Variants in CSMD1 observed in about 807,000 individuals in gnomAD.
CSMD1 encodes CUB and sushi domain-containing protein 1.
Under a neutral mutation model 417.5 loss-of-function variants are expected in CSMD1, and 213 were observed. That is an observed-to-expected ratio of 0.51 (90% CI 0.46 to 0.57). The LOEUF (loss-of-function observed/expected upper bound fraction) is 0.57. Ranked by LOEUF, CSMD1 falls within the 20% of genes least tolerant of loss-of-function variation. The pLI is 0.00. For missense variants in CSMD1, 6,923 were observed against 4,529.7 expected, an observed-to-expected ratio of 1.53 and a Z score of -15.17; for synonymous variants, 2,862 against 1,736.8, an observed-to-expected ratio of 1.65 and a Z score of -16.11.
intron 1 of CSMD1, among the ~76,000 whole-genome samples, chr8:4,761,836 C>CACCCATCT (rs1371319873): frequency 5.0e-5 from 6 of 119,122 alleles, no homozygotes; most frequent in African/African-American, 2.2e-4. Flanking sequence ...TAGTACCATG[C>CACCCATCT]ATCTATCTAT....
intron 3 of CSMD1, among the ~76,000 whole-genome samples, chr8:4,150,115 C>T (rs561847220): frequency 6.6e-6 from 1 of 152,150 alleles, no homozygotes; most frequent in East Asian, 1.9e-4. Flanking sequence ...GTGTATTTTC[C>T]ACATTGTGTA....
At chr8:3,290,143 G>A (rs1803441930) in intron 25 of CSMD1, among the ~76,000 whole-genome samples, 1 of 146,528 alleles carries the variant, frequency 6.8e-6, no homozygotes, top group South Asian at 2.1e-4. Flanking sequence ...TTGTAGATAT[G>A]CAGCATTATT....
chr8:4,053,316 T>C (rs1798528895), intron 3 of CSMD1, among the ~76,000 whole-genome samples: 1 of 152,190 alleles, frequency 6.6e-6, no homozygotes, highest in Admixed American at 6.5e-5. Flanking sequence ...TGCATGAGAA[T>C]AATAAAAATC....
chr8:3,276,808 A>C (rs61276141), intron 26 of CSMD1, among the ~76,000 whole-genome samples: 6,730 of 152,194 alleles, frequency 0.044, 483 homozygotes, highest in African/African-American at 0.15. Flanking sequence ...ATGCACGTGG[A>C]AAATTTTCAC....
At chr8:3,192,972 G>C (rs563525242) in intron 33 of CSMD1, among the ~76,000 whole-genome samples, 2 of 151,662 alleles carry the variant, frequency 1.3e-5, no homozygotes, top group African/African-American at 4.8e-5. Context: ...GGCTTCCACA[G>C]TCATCTCAAG....
chr8:3,759,101 A>T (rs530287416), intron 5 of CSMD1, among the ~76,000 whole-genome samples: 1 of 152,236 alleles, frequency 6.6e-6, no homozygotes. Context: ...TTTCTAATCT[A>T]TTTACTGAAC....
At chr8:3,059,892 G>C (rs905345143) in intron 49 of CSMD1, among the ~76,000 whole-genome samples, 1 of 152,094 alleles carries the variant, frequency 6.6e-6, no homozygotes, top group East Asian at 1.9e-4. Flanking sequence ...ATTCACTTCA[G>C]GGCAAGTAGA....
At chr8:3,245,290 AGTTCCTTCCG>A (rs1411073569) in intron 26 of CSMD1, among the ~76,000 whole-genome samples, 1 of 152,130 alleles carries the variant, frequency 6.6e-6, no homozygotes, top group Admixed American at 6.5e-5. Flanking sequence ...AAGCACCTCC[AGTTCCTTCCG>A]GTACCTGGGT....
At chr8:3,485,900 T>C (rs1301309392) in intron 11 of CSMD1, among the ~76,000 whole-genome samples, 1 of 152,176 alleles carries the variant, frequency 6.6e-6, no homozygotes, top group Non-Finnish European at 1.5e-5. Context: ...GACATTTTAC[T>C]GTAGATTTGC....
intron 2 of CSMD1, among the ~76,000 whole-genome samples, chr8:4,421,064 T>C (rs1488622348): frequency 6.6e-6 from 1 of 152,180 alleles, no homozygotes; most frequent in African/African-American, 2.4e-5. Flanking sequence ...TTTGTTCATT[T>C]TTTCCCATTG....
intron 3 of CSMD1, among the ~76,000 whole-genome samples, chr8:4,276,498 G>T (rs1010874154): frequency 6.6e-6 from 1 of 152,112 alleles, no homozygotes; most frequent in Non-Finnish European, 1.5e-5. Flanking sequence ...TACAGATGAC[G>T]GGTTAGTGGG....
intron 1 of CSMD1, among the ~76,000 whole-genome samples, chr8:4,705,596 G>A (rs577196342): frequency 6.6e-6 from 1 of 152,302 alleles, no homozygotes. Context: ...TTATTGAACA[G>A]ATATTTTTGA....
At chr8:3,332,334 G>A (rs1217552490) in intron 23 of CSMD1, among the ~76,000 whole-genome samples, 3 of 152,346 alleles carry the variant, frequency 2.0e-5, no homozygotes, top group South Asian at 4.1e-4. Context: ...AGAAGGGAAG[G>A]TGGGGTTGCT....
At chr8:3,741,559 T>C (rs181748810) in intron 6 of CSMD1, among the ~76,000 whole-genome samples, 8 of 152,378 alleles carry the variant, frequency 5.3e-5, no homozygotes, top group African/African-American at 9.6e-5. Context: ...ATTTATGATA[T>C]GCATTTTTTG....
At chr8:4,456,059 C>CAA (rs34519287) in intron 2 of CSMD1, among the ~76,000 whole-genome samples, 8 of 118,470 alleles carry the variant, frequency 6.8e-5, no homozygotes, top group Non-Finnish European at 8.6e-5. Context: ...TATCATTGAC[C>CAA]AAAAAAAAAA....
At chr8:4,347,217 T>G (rs530099610) in intron 3 of CSMD1, among the ~76,000 whole-genome samples, 23 of 152,214 alleles carry the variant, frequency 1.5e-4, no homozygotes, top group African/African-American at 4.8e-4. Context: ...TAGAAATACT[T>G]GGAAATTACA....
At chr8:4,206,900 T>C (rs1454719587) in intron 3 of CSMD1, among the ~76,000 whole-genome samples, 1 of 152,216 alleles carries the variant, frequency 6.6e-6, no homozygotes, top group Non-Finnish European at 1.5e-5. Flanking sequence ...AAACTAAATA[T>C]TTTATAATTT....
At chr8:3,398,788 T>C (rs1275645170) in intron 16 of CSMD1, among the ~76,000 whole-genome samples, 1 of 152,198 alleles carries the variant, frequency 6.6e-6, no homozygotes, top group Non-Finnish European at 1.5e-5. Context: ...TATATAGAAC[T>C]CCAATAGCCT....
intron 7 of CSMD1, among the ~76,000 whole-genome samples, chr8:3,692,853 T>C (rs1800328425): frequency 6.6e-6 from 1 of 152,178 alleles, no homozygotes; most frequent in African/African-American, 2.4e-5. Flanking sequence ...TAATGTTTCT[T>C]TGGAAAAATG....
Sources: allele counts gnomAD v4.1 joint callset (sites outside exome capture counted in the v4.1 genomes callset), GRCh38; gene constraint gnomAD v4.1.1; transcripts MANE v1.5; gene names NCBI Gene and HGNC (gene_info 2026-07-23, HGNC 2026-07-21).